LEKR1: variants seen among roughly 807,000 people sequenced by gnomAD.
LEKR1 encodes the protein protein LEKR1.
LEKR1 carries 59 observed loss-of-function variants against 72.4 expected under a neutral mutation model. The observed-to-expected ratio is 0.82, with a 90% CI of 0.66 to 1.01. The LOEUF is 1.01. LEKR1 is among the 50% of genes least tolerant of loss of function. The pLI is 0.00. For synonymous variants in LEKR1, 257 were observed against 263.2 expected, an observed-to-expected ratio of 0.98 and a Z score of 0.23; for missense variants, 728 against 759.2, an observed-to-expected ratio of 0.96 and a Z score of 0.48.
rs147918303 is a variant in LEKR1, at chr3:156,987,853, C to T, written c.828-4800C>T. Among the ~76,000 whole-genome samples the T allele has an allele frequency of 1.6e-4, 24 of 152,176 alleles. No homozygotes were observed. In the South Asian group the frequency reaches 3.9e-3, roughly 25 times the overall value. On this transcript the variant is annotated intron_variant, in intron 7 of 12. Coordinates refer to ENST00000356539, the MANE Select transcript of LEKR1 (RefSeq NM_001004316.3). ...TTAATTAGTCTAGTAGGCCATCACA[C>T]AATTTAAAGCTGTGCAATCATAACA...
intron 7 of LEKR1, among the ~76,000 whole-genome samples, chr3:156,987,260 G>A (rs1375400354): frequency 6.6e-6 from 1 of 152,032 alleles, no homozygotes; most frequent in Non-Finnish European, 1.5e-5. Flanking sequence ...ATAACAATTG[G>A]GTAACAAAGG....
intron 10 of LEKR1, 75 bp downstream of exon 10, chr3:157,011,581 C>T: frequency 4.1e-6 from 4 of 983,854 alleles, no homozygotes; most frequent in Non-Finnish European, 6.4e-6. Flanking sequence ...TCAGAAGACT[C>T]TTCCGGATAG....
rs1454363109 is a variant in LEKR1 at position 157,045,941 on chromosome 3, G to C, written c.*191G>C. On this transcript the variant is annotated 3_prime_UTR_variant, in exon 13 of 13. Coordinates refer to ENST00000356539, the MANE Select transcript of LEKR1 (RefSeq NM_001004316.3). ...AAGCCTTATTTTTCAAGAGGGTTTT[G>C]ATAGAGTAACAGATCATTAAGTTGT... 3 of 577,506 alleles carry C rather than the reference G, an allele frequency of 5.2e-6. No homozygotes were observed. The highest frequency in any genetic ancestry group is 9.0e-6 in the Non-Finnish European group (3 of 331,526). 35.8% of individuals were successfully genotyped at this position (577,506 alleles called of 1,614,324 possible). A position where few individuals can be genotyped will look rare whatever the true frequency, so the allele number is the denominator to read the frequency against.
At chr3:156,912,479 A>G (rs1723208221) in intron 3 of LEKR1, among the ~76,000 whole-genome samples, 1 of 152,210 alleles carries the variant, frequency 6.6e-6, no homozygotes, top group Non-Finnish European at 1.5e-5. Flanking sequence ...ATTCACTTAC[A>G]GTAGCTAGTT....
chr3:156,954,633 G>A (rs1337888771), intron 6 of LEKR1, among the ~76,000 whole-genome samples: 1 of 151,970 alleles, frequency 6.6e-6, no homozygotes, highest in African/African-American at 2.4e-5. Context: ...CCCATTGCTT[G>A]CTTTTGTCAG....
At chr3:156,840,176 A>G (rs1358972660) in intron 2 of LEKR1, among the ~76,000 whole-genome samples, 1 of 152,206 alleles carries the variant, frequency 6.6e-6, no homozygotes, top group East Asian at 1.9e-4. Context: ...ATTATCAGCA[A>G]GGCTTCCTGT....
At chr3:157,001,601 C>G (rs1732019683) in intron 9 of LEKR1, among the ~76,000 whole-genome samples, 2 of 152,026 alleles carry the variant, frequency 1.3e-5, no homozygotes, top group Admixed American at 1.3e-4. Flanking sequence ...GTGAATAAGT[C>G]CTAATTGTGG....
chr3:156,883,181 A>G lies in LEKR1; in HGVS notation c.263+30199A>G, dbSNP rs978384591. ...AATAAAGAACGAAAGAAAGAAAAAAAAAGATTTGACTGCCCCACTTGATTT... is the reference window on the plus strand; with the variant it reads ...AATAAAGAACGAAAGAAAGAAAAAAGAAGATTTGACTGCCCCACTTGATTT... On this transcript the variant is annotated intron_variant, in intron 3 of 12. Transcript: ENST00000356539. 1.5e-4 allele frequency among the ~76,000 whole-genome samples: 23 copies of G among 152,200 alleles called. No homozygotes were observed. In the East Asian group the frequency reaches 1.5e-3, roughly 10 times the overall value.
intron 2 of LEKR1, among the ~76,000 whole-genome samples, chr3:156,840,226 G>C (rs1713727585): frequency 6.6e-6 from 1 of 152,196 alleles, no homozygotes; most frequent in South Asian, 2.1e-4. Flanking sequence ...TGGGGAGTCA[G>C]AAGTTGTACA....
chr3:156,941,009 G>T (rs1411498427), intron 5 of LEKR1, among the ~76,000 whole-genome samples: 1 of 151,954 alleles, frequency 6.6e-6, no homozygotes, highest in Non-Finnish European at 1.5e-5. Flanking sequence ...TAGGTACGTA[G>T]GGAAACTGTA....
intron 7 of LEKR1, chr3:156,988,715 C>G (rs1730904651): frequency 4.5e-6 from 1 of 221,600 alleles, no homozygotes; most frequent in Non-Finnish European, 1.0e-5. Flanking sequence ...GCCTCCATTT[C>G]TCAGTCTACA....
chr3:156,897,435 G>A (rs939996845), intron 3 of LEKR1, among the ~76,000 whole-genome samples: 12 of 151,842 alleles, frequency 7.9e-5, no homozygotes, highest in African/African-American at 2.9e-4. Flanking sequence ...TGGTTGGGGT[G>A]CAGCTTGGTT....
intron 3 of LEKR1, among the ~76,000 whole-genome samples, chr3:156,897,542 C>T (rs1031773702): frequency 2.0e-4 from 27 of 136,850 alleles, no homozygotes; most frequent in African/African-American, 6.5e-4. Flanking sequence ...GTGGTGGGGG[C>T]GGGGGGAGGC....
At chr3:156,971,075 C>T (rs1729138878) in intron 6 of LEKR1, among the ~76,000 whole-genome samples, 1 of 152,082 alleles carries the variant, frequency 6.6e-6, no homozygotes, top group Admixed American at 6.5e-5. Flanking sequence ...CATCACGCTA[C>T]CTGACTTCAA....
At chr3:156,960,688 T>G (rs149103278) in intron 6 of LEKR1, among the ~76,000 whole-genome samples, 1 of 152,076 alleles carries the variant, frequency 6.6e-6, no homozygotes, top group Non-Finnish European at 1.5e-5. Context: ...ATAGAGATGC[T>G]CAAAAATTTA....
intron 2 of LEKR1, 129 bp downstream of exon 2, chr3:156,829,506 G>C (rs1712084308): frequency 3.6e-6 from 2 of 559,728 alleles, no homozygotes; most frequent in East Asian, 6.2e-5. Flanking sequence ...GTGGGAGAGG[G>C]AATAATTATT....
Position 156,920,577 on chromosome 3 carries a change from T to C in LEKR1, c.266T>C (p.Ile89Thr). ...KIDNKSKTER[I>T]YDVGMQLKSQ... ...GGAATGTTTGTTTATATTTTTAGAA[T>C]TTACGATGTAGGCATGCAGTTAAAA... Residue 89 changes from isoleucine to threonine, a missense_variant and splice_region_variant, in exon 4 of 13, where the codon ATT becomes ACT. Physicochemically the swap from Ile to Thr is moderately conservative, Grantham distance 89. Transcript: ENST00000356539. 1 of 1,454,342 alleles carries C rather than the reference T, an allele frequency of 6.9e-7. No individual in the cohort carries two copies. The highest frequency in any genetic ancestry group is 1.3e-5 in the South Asian group (1 of 77,014). 90.1% of individuals were successfully genotyped at this position (1,454,342 alleles called of 1,614,324 possible). A position where few individuals can be genotyped will look rare whatever the true frequency, so the allele number is the denominator to read the frequency against.
At chr3:156,912,397 G>C (rs1002962481) in intron 3 of LEKR1, among the ~76,000 whole-genome samples, 1 of 152,130 alleles carries the variant, frequency 6.6e-6, no homozygotes, top group African/African-American at 2.4e-5. Flanking sequence ...CATAAGGAGT[G>C]GGGGGTAGCA....
In LEKR1 at chr3:157,028,288, T is replaced by C; in HGVS notation, c.1554T>C (p.Asn518=). Residue 518 remains asparagine, a synonymous_variant, in exon 12 of 13, where the codon AAT becomes AAC. Transcript: ENST00000356539. ...GCTTGAAGAAGGAAATTGACAGTAA[T>C]GATTCAGTTTCAGAAAACTTGAGGA... ...ESRLKKEIDS[N]DSVSENLRKE... is the part of the protein sequence containing the mutation. 1 of 1,613,358 alleles carries C rather than the reference T, an allele frequency of 6.2e-7. No individual in the cohort carries two copies. Among genetic ancestry groups the C allele is most frequent in the Non-Finnish European group, 8.5e-7 (1 of 1,179,528 alleles).
Sources: allele counts gnomAD v4.1 joint callset (sites outside exome capture counted in the v4.1 genomes callset), GRCh38; gene constraint gnomAD v4.1.1; transcripts MANE v1.5; gene names NCBI Gene and HGNC (gene_info 2026-07-23, HGNC 2026-07-21).